Variants in CTPS1 observed in about 807,000 individuals in gnomAD.
CTPS1 encodes the protein CTP synthase 1.
In CTPS1, 25 loss-of-function variants were observed where a neutral mutation model predicts 80.5. The observed-to-expected ratio is 0.31, with a 90% CI of 0.23 to 0.43. The LOEUF is 0.43. CTPS1 is among the 20% of genes least tolerant of loss of function. The pLI is 1.00. For synonymous variants in CTPS1, 267 were observed against 252.5 expected, an observed-to-expected ratio of 1.06 and a Z score of -0.54; for missense variants, 442 against 725.7, an observed-to-expected ratio of 0.61 and a Z score of 4.49.
Position 40,983,395 on chromosome 1 carries a change from T to A in CTPS1, c.105T>A (p.Thr35=). Residue 35 remains threonine (T), a synonymous_variant, in exon 2 of 19, where the codon ACT becomes ACA. Transcript: ENST00000650070. ...TILKSCGLHV[T]SIKIDPYINI... ...TCAAGTCATGTGGTTTACATGTAAC[T>A]TCAATCAAAATTGACCCCTACATTA... The A allele has an allele frequency of 6.2e-7, 1 of 1,614,010 alleles. No individual in the cohort carries two copies.
At chr1:40,986,821 G>A (rs894371040) in intron 3 of CTPS1, among the ~76,000 whole-genome samples, 1 of 152,144 alleles carries the variant, frequency 6.6e-6, no homozygotes, top group East Asian at 1.9e-4. Context: ...AGCTTAAAAT[G>A]GTTCTATAAT....
chr1:41,008,193 C>G (rs1056729537), intron 14 of CTPS1, among the ~76,000 whole-genome samples: 6 of 152,110 alleles, frequency 3.9e-5, no homozygotes, highest in Non-Finnish European at 8.8e-5. Context: ...TAGAGCAGCC[C>G]GTTCGCAAAT....
rs533709230 is a variant in CTPS1 at position 40,983,131 on chromosome 1, G to T, written c.-13-147G>T. 7.0e-5 allele frequency: 43 copies of T among 613,614 alleles called. No homozygotes were observed. In the South Asian group the frequency reaches 1.0e-3, roughly 15 times the overall value. The allele number at this position is 613,614 out of a possible 1,614,324, so 38.0% of individuals were successfully genotyped here. A position where few individuals can be genotyped will look rare whatever the true frequency, so the allele number is the denominator to read the frequency against. On this transcript the variant is annotated intron_variant, in intron 1 of 18. Transcript: ENST00000650070. ...GTTTGTTTTGATCCTATTTAAACCT[G>T]ACGAGAACCTTCTGAAGTCCTGTGA...
intron 5 of CTPS1, among the ~76,000 whole-genome samples, chr1:40,990,073 A>ACC (rs35160190): frequency 7.9e-5 from 12 of 151,636 alleles, no homozygotes; most frequent in South Asian, 4.1e-4. Context: ...ACATGAACCT[A>ACC]CCCCCCCGTA....
At position 40,997,445 on chromosome 1, in the gene CTPS1, G is replaced by A. The variant is rs201952022; in HGVS notation, c.924G>A (p.Thr308=). 1,609 of 1,614,164 alleles carry A rather than the reference G, an allele frequency of 1.0e-3. 33 individuals are homozygous for A. In the South Asian group the frequency reaches 0.017, roughly 17 times the overall value. ...TCSIALVGKY[T]KFSDSYASVI... ...CTATTGCCCTTGTGGGCAAATACAC[G>A]AAGTTCTCAGACTCCTATGCCTCTG... The change falls in exon 9 of 19, where the codon ACG becomes ACA. Residue 308 remains threonine, a synonymous_variant. Transcript: ENST00000650070.
At chr1:41,003,882 T>G (rs1642967419) in intron 12 of CTPS1, 1 of 152,284 alleles carries the variant, frequency 6.6e-6, no homozygotes, top group South Asian at 2.1e-4. Context: ...CACTCCTGCC[T>G]TGTGTTCAGC....
At chr1:40,991,620 T>A in intron 6 of CTPS1, 145 bp from the exon 7 acceptor site, 2 of 603,482 alleles carry the variant, frequency 3.3e-6, no homozygotes, top group Non-Finnish European at 5.9e-6. Flanking sequence ...AGTCATAATA[T>A]TTTTATGGAT....
chr1:40,987,161 T>C (rs1642477960), intron 3 of CTPS1, among the ~76,000 whole-genome samples: 2 of 152,204 alleles, frequency 1.3e-5, no homozygotes, highest in African/African-American at 4.8e-5. Context: ...GTTGCAGGGC[T>C]TCCAGCAACA....
intron 9 of CTPS1, among the ~76,000 whole-genome samples, chr1:40,998,360 T>A (rs1642810591): frequency 7.2e-6 from 1 of 139,010 alleles, no homozygotes; most frequent in African/African-American, 2.8e-5. Context: ...ATTGCACCTC[T>A]GCACTCCAGC....
At chr1:41,011,153 A>G (rs1643162474) in intron 18 of CTPS1, among the ~76,000 whole-genome samples, 1 of 151,582 alleles carries the variant, frequency 6.6e-6, no homozygotes. Context: ...TGGTTGGTTG[A>G]CCCCCTGTCC....
At chr1:40,995,074 T>C (rs1021860782) in intron 7 of CTPS1, among the ~76,000 whole-genome samples, 1 of 152,206 alleles carries the variant, frequency 6.6e-6, no homozygotes, top group Admixed American at 6.5e-5. Context: ...TGGTCTGGGG[T>C]GCAGCATGGG....
At chr1:41,011,305 A>T (rs1643166422) in intron 18 of CTPS1, among the ~76,000 whole-genome samples, 1 of 152,232 alleles carries the variant, frequency 6.6e-6, no homozygotes, top group South Asian at 2.1e-4. Flanking sequence ...CACAGTCTTA[A>T]GGAGCTGATA....
intron 7 of CTPS1, among the ~76,000 whole-genome samples, chr1:40,994,002 C>T (rs1642687136): frequency 1.3e-5 from 2 of 152,106 alleles, no homozygotes; most frequent in South Asian, 4.1e-4. Context: ...TGGTTGCGAA[C>T]TCCTGACCTC....
At chr1:40,982,468 C>T (rs1487677760) in intron 1 of CTPS1, among the ~76,000 whole-genome samples, 1 of 151,942 alleles carries the variant, frequency 6.6e-6, no homozygotes, top group Non-Finnish European at 1.5e-5. Context: ...CAGCTCACTG[C>T]AACCTCTGTC....
intron 9 of CTPS1, among the ~76,000 whole-genome samples, chr1:40,999,930 G>A (rs893275807): frequency 3.3e-5 from 5 of 152,208 alleles, no homozygotes; most frequent in African/African-American, 4.8e-5. Context: ...TGGGAGGATC[G>A]CCTAAGACCA....
chr1:40,981,535 T>A (rs1172943163), intron 1 of CTPS1, among the ~76,000 whole-genome samples: 2 of 152,154 alleles, frequency 1.3e-5, no homozygotes, highest in African/African-American at 2.4e-5. Context: ...AAAATGTACC[T>A]AAGACTGATT....
intron 1 of CTPS1, 37 bp from the exon 2 acceptor site, chr1:40,983,241 A>G (rs967755684): frequency 3.2e-6 from 5 of 1,572,772 alleles, no homozygotes; most frequent in Non-Finnish European, 4.3e-6. Flanking sequence ...GTTTGTTGAG[A>G]TACATTTATA....
In CTPS1 at chr1:40,987,351, T is replaced by G. The variant is rs753864692; in HGVS notation, c.338-21T>G. On this transcript the variant is annotated intron_variant, in intron 3 of 18. Transcript: ENST00000650070. ...TGTAGATGGACAAGCGTAAGTTCCCTGTTTGTTTTCTTTTTCCCAGTTGTC... is the reference window on the plus strand; with the variant it reads ...TGTAGATGGACAAGCGTAAGTTCCCGGTTTGTTTTCTTTTTCCCAGTTGTC... The G allele has an allele frequency of 1.5e-5, 24 of 1,571,718 alleles. No homozygotes were observed. In the Admixed American group the frequency reaches 2.0e-4, roughly 13 times the overall value.
chr1:41,002,468 A>G (rs1265944080), intron 11 of CTPS1, among the ~76,000 whole-genome samples: 1 of 152,054 alleles, frequency 6.6e-6, no homozygotes, highest in Non-Finnish European at 1.5e-5. Flanking sequence ...ATGTCGTGGA[A>G]TTTTGAGAGA....
Sources: allele counts gnomAD v4.1 joint callset (sites outside exome capture counted in the v4.1 genomes callset), GRCh38; gene constraint gnomAD v4.1.1; transcripts MANE v1.5; gene names NCBI Gene and HGNC (gene_info 2026-07-23, HGNC 2026-07-21).